SGCZ: variants seen among roughly 807,000 people sequenced by gnomAD.
The protein encoded by SGCZ is zeta-sarcoglycan.
SGCZ carries 40 observed loss-of-function variants against 41.3 expected under a neutral mutation model. The observed-to-expected ratio is 0.97, with a 90% CI of 0.75 to 1.26. The LOEUF (loss-of-function observed/expected upper bound fraction) is 1.26. Among genes scored for constraint, SGCZ ranks in the 50% most tolerant of loss-of-function variants. The pLI, the probability that SGCZ is intolerant of heterozygous loss-of-function variation, is 0.00. For missense variants in SGCZ, 552 were observed against 369.8 expected, an observed-to-expected ratio of 1.49 and a Z score of -4.04; for synonymous variants, 206 against 137.5, an observed-to-expected ratio of 1.50 and a Z score of -3.49.
intron 1 of SGCZ, among the ~76,000 whole-genome samples, chr8:14,921,667 C>G (rs560828219): frequency 3.3e-5 from 5 of 152,220 alleles, no homozygotes; most frequent in South Asian, 2.1e-4. Context: ...TGGAATTGCA[C>G]AAGTCCCTGA....
At chr8:15,078,250 C>G (rs1240638831) in intron 1 of SGCZ, among the ~76,000 whole-genome samples, 1 of 144,830 alleles carries the variant, frequency 6.9e-6, no homozygotes, top group Admixed American at 7.0e-5. Context: ...AGACAAGAAC[C>G]CAGATTTCAG....
intron 1 of SGCZ, among the ~76,000 whole-genome samples, chr8:14,674,755 C>G (rs907935063): frequency 6.6e-6 from 1 of 151,458 alleles, no homozygotes; most frequent in Non-Finnish European, 1.5e-5. Flanking sequence ...GAGATCTGAT[C>G]ATTTAAAAGT....
At chr8:14,964,872 T>C (rs1801081924) in intron 1 of SGCZ, among the ~76,000 whole-genome samples, 2 of 152,134 alleles carry the variant, frequency 1.3e-5, no homozygotes, top group African/African-American at 4.8e-5. Flanking sequence ...ATGCAGGTTA[T>C]GTGGGCGCTT....
At chr8:15,145,552 G>A (rs994728457) in intron 1 of SGCZ, among the ~76,000 whole-genome samples, 11 of 152,084 alleles carry the variant, frequency 7.2e-5, no homozygotes, top group Non-Finnish European at 1.3e-4. Context: ...CTGCAGCCTG[G>A]AACTCCTGGA....
intron 1 of SGCZ, among the ~76,000 whole-genome samples, chr8:14,877,470 A>G (rs1430456636): frequency 6.6e-6 from 1 of 152,176 alleles, no homozygotes; most frequent in Non-Finnish European, 1.5e-5. Flanking sequence ...AAATCATGAT[A>G]ATTGCTTTAA....
At chr8:14,595,522 T>G (rs1305801835) in intron 1 of SGCZ, among the ~76,000 whole-genome samples, 2 of 151,734 alleles carry the variant, frequency 1.3e-5, no homozygotes, top group Non-Finnish European at 2.9e-5. Flanking sequence ...GTCAGGCAGA[T>G]AGAACAGTGG....
At chr8:14,364,318 A>G (rs1803625687) in intron 2 of SGCZ, among the ~76,000 whole-genome samples, 1 of 152,152 alleles carries the variant, frequency 6.6e-6, no homozygotes, top group Non-Finnish European at 1.5e-5. Context: ...GCTATCAAAA[A>G]TGATGCTGAA....
chr8:14,399,239 T>C (rs1037936), intron 2 of SGCZ, among the ~76,000 whole-genome samples: 55,460 of 152,000 alleles, frequency 0.36, 11,057 homozygotes, highest in African/African-American at 0.53. Context: ...TATTGAGATT[T>C]TTGTATAATA....
At chr8:14,334,798 A>C (rs944278607) in intron 2 of SGCZ, among the ~76,000 whole-genome samples, 3 of 152,168 alleles carry the variant, frequency 2.0e-5, no homozygotes, top group African/African-American at 7.2e-5. Flanking sequence ...AAAGGAATCT[A>C]AATCTATGTT....
At chr8:14,142,196 C>T (rs59895693) in intron 5 of SGCZ, among the ~76,000 whole-genome samples, 31,041 of 151,944 alleles carry the variant, frequency 0.2, 4,047 homozygotes, top group East Asian at 0.62. Flanking sequence ...AGGGATAGCA[C>T]TGGGAGAAGT....
rs796205673 is a variant in SGCZ, at chr8:14,803,720, GC to G, written c.40-248795del. 9.9e-5 allele frequency among the ~76,000 whole-genome samples: 15 copies of G among 151,758 alleles called. No individual in the cohort carries two copies. In the South Asian group the frequency reaches 2.9e-3, roughly 30 times the overall value. Reference sequence around the variant, plus strand: ...AGCCAGGAAGCTCAAACTGGGTGGAGCCCACCACAGCTCAAGGAGGCCTGCC... The same window carrying G: ...AGCCAGGAAGCTCAAACTGGGTGGAGCCACCACAGCTCAAGGAGGCCTGCC... On this transcript the variant is annotated intron_variant, in intron 1 of 7. Coordinates refer to ENST00000382080, the MANE Select transcript of SGCZ (RefSeq NM_139167.4).
intron 2 of SGCZ, among the ~76,000 whole-genome samples, chr8:14,379,343 G>A (rs1294785487): frequency 6.6e-6 from 1 of 152,106 alleles, no homozygotes; most frequent in African/African-American, 2.4e-5. Context: ...ATAATAAGTA[G>A]ATAGATGATA....
intron 2 of SGCZ, among the ~76,000 whole-genome samples, chr8:14,511,993 T>C (rs1802480988): frequency 6.6e-6 from 1 of 152,284 alleles, no homozygotes; most frequent in Non-Finnish European, 1.5e-5. Flanking sequence ...TAAACAAAGC[T>C]ATAAAATTAG....
chr8:14,566,875 G>A (rs1489338550), intron 1 of SGCZ, among the ~76,000 whole-genome samples: 2 of 152,192 alleles, frequency 1.3e-5, no homozygotes, highest in East Asian at 1.9e-4. Context: ...GGGCCAGTGC[G>A]AGTTCCAGGT....
rs1370946719 is a variant in SGCZ at position 14,213,927 on chromosome 8, T to A, written c.424+23665A>T. Among the ~76,000 whole-genome samples, 4 of 152,100 alleles carry A rather than the reference T, an allele frequency of 2.6e-5. No homozygotes were observed. The East Asian group carries it at 7.7e-4, about 29-fold the overall frequency. ...TTATGTAGCTACTTTACCCTTAAGG[T>A]GGAAAAACTTAACTCCCAGCTGCTT... On this transcript the variant is annotated intron_variant, in intron 4 of 7. Transcript: ENST00000382080.
chr8:14,362,464 C>G (rs955835509), intron 2 of SGCZ, among the ~76,000 whole-genome samples: 3 of 152,180 alleles, frequency 2.0e-5, no homozygotes, highest in African/African-American at 7.2e-5. Context: ...GCTGCACTAG[C>G]AGCCAGCAAG....
chr8:14,834,375 T>G (rs1802628213), intron 1 of SGCZ, among the ~76,000 whole-genome samples: 2 of 152,198 alleles, frequency 1.3e-5, no homozygotes, highest in Non-Finnish European at 2.9e-5. Context: ...CAAGATGGGC[T>G]AAACACTACA....
intron 1 of SGCZ, among the ~76,000 whole-genome samples, chr8:15,086,607 A>C (rs1403324707): frequency 6.6e-6 from 1 of 152,170 alleles, no homozygotes; most frequent in African/African-American, 2.4e-5. Flanking sequence ...TGAAGCTGCA[A>C]ATTATACCTC....
At chr8:15,166,016 T>A (rs1799654053) in intron 1 of SGCZ, among the ~76,000 whole-genome samples, 1 of 152,190 alleles carries the variant, frequency 6.6e-6, no homozygotes, top group Non-Finnish European at 1.5e-5. Context: ...AAATAAATAA[T>A]TTATGGAAAT....
Sources: gnomAD v4.1 joint callset for allele counts (sites outside exome capture counted in the v4.1 genomes callset) on GRCh38, gnomAD v4.1.1 for gene constraint, MANE v1.5 for transcripts, NCBI Gene and HGNC (gene_info 2026-07-23, HGNC 2026-07-21) for gene names.